Variants in ZNF717 observed in about 807,000 individuals in gnomAD.
ZNF717 encodes krueppel-like factor X17.
Under a neutral mutation model 13.8 loss-of-function variants are expected in ZNF717, and 9 were observed. The observed-to-expected ratio is 0.65, with a 90% CI of 0.39 to 1.14. The LOEUF is 1.14. Among genes scored for constraint, ZNF717 ranks in the 50% most tolerant of loss-of-function variants. ZNF717 has a pLI of 0.01. For synonymous variants in ZNF717, 327 were observed against 364.1 expected, an observed-to-expected ratio of 0.90 and a Z score of 1.16; for missense variants, 1,040 against 1,080.7, an observed-to-expected ratio of 0.96 and a Z score of 0.53.
chr3:75,770,733 C>T (rs1335955336), intron 2 of ZNF717, among the ~76,000 whole-genome samples: 1 of 152,158 alleles, frequency 6.6e-6, no homozygotes, highest in Non-Finnish European at 1.5e-5. Flanking sequence ...GTGGCTTTCA[C>T]TTTGAATTTT....
chr3:75,720,416 A>G (rs146409341), intron 4 of ZNF717, among the ~76,000 whole-genome samples: 2 of 152,162 alleles, frequency 1.3e-5, no homozygotes, highest in Non-Finnish European at 1.5e-5. Context: ...GTTCTCACTT[A>G]TAAGTGGGAA....
At chr3:75,751,550 G>C (rs1385623225) in intron 2 of ZNF717, among the ~76,000 whole-genome samples, 1 of 131,628 alleles carries the variant, frequency 7.6e-6, no homozygotes, top group Non-Finnish European at 1.7e-5. Flanking sequence ...TGGGTTCTGA[G>C]TATTTGTCCC....
At chr3:75,707,766 C>G (rs1278091887), downstream of ZNF717, among the ~76,000 whole-genome samples, 1 of 151,726 alleles carries the variant, frequency 6.6e-6, no homozygotes, top group East Asian at 2.0e-4. Flanking sequence ...CTGCGCTTTT[C>G]CAATGGGCTT....
chr3:75,700,663 A>G (rs1358600199), intron 6 of ZNF717, among the ~76,000 whole-genome samples: 3 of 152,282 alleles, frequency 2.0e-5, no homozygotes, highest in Non-Finnish European at 4.4e-5. Context: ...CTTTCAACAA[A>G]AGTGCCAAGA....
chr3:75,720,476 G>A (rs2918476), intron 4 of ZNF717, among the ~76,000 whole-genome samples: 64,369 of 151,212 alleles, frequency 0.43, 14,141 homozygotes, highest in South Asian at 0.61. Flanking sequence ...TAGACACTAG[G>A]GACTTCAAGG....
At chr3:75,762,924 C>T (rs113114519) in intron 2 of ZNF717, among the ~76,000 whole-genome samples, 1 of 151,924 alleles carries the variant, frequency 6.6e-6, no homozygotes, top group African/African-American at 2.4e-5. Flanking sequence ...CACAAGGATG[C>T]CAAGACCACT....
At chr3:75,708,434 C>T (rs1232877401), downstream of ZNF717, among the ~76,000 whole-genome samples, 3 of 152,090 alleles carry the variant, frequency 2.0e-5, no homozygotes, top group Non-Finnish European at 4.4e-5. Flanking sequence ...AACTAACAAA[C>T]AGAAAGGACA....
chr3:75,745,799 CTTTT>C (rs75682145), intron 2 of ZNF717, among the ~76,000 whole-genome samples: 5 of 144,432 alleles, frequency 3.5e-5, no homozygotes, highest in African/African-American at 1.3e-4. Context: ...ACAGGGTTTT[CTTTT>C]TTTTTTACTG....
intron 6 of ZNF717, among the ~76,000 whole-genome samples, chr3:75,695,243 G>A (rs1180494528): frequency 8.5e-5 from 13 of 152,378 alleles, no homozygotes; most frequent in South Asian, 2.1e-4. Context: ...GATTAAAAAG[G>A]TCATTATATA....
chr3:75,733,778 CAAAA>C (rs56196464), downstream of ZNF717, among the ~76,000 whole-genome samples: 20 of 26,648 alleles, frequency 7.5e-4, no homozygotes, highest in Non-Finnish European at 1.1e-3. Context: ...GACTCTATCT[CAAAA>C]AAAAAAAAAA....
chr3:75,739,616 G>A (rs550747290), intron 4 of ZNF717, among the ~76,000 whole-genome samples: 274 of 152,146 alleles, frequency 1.8e-3, no homozygotes, highest in African/African-American at 5.9e-3. Context: ...GTAATAATAT[G>A]CATCTACTTC....
chr3:75,783,097 C>T (rs1254510127), intron 2 of ZNF717, among the ~76,000 whole-genome samples: 4 of 152,214 alleles, frequency 2.6e-5, no homozygotes, highest in Admixed American at 1.3e-4. Flanking sequence ...GTCACTGCAT[C>T]AGAAAGATCA....
At chr3:75,756,026 A>G (rs796263853) in intron 2 of ZNF717, among the ~76,000 whole-genome samples, 1 of 146,674 alleles carries the variant, frequency 6.8e-6, no homozygotes, top group Admixed American at 6.8e-5. Flanking sequence ...TACATATTGA[A>G]GGTTTGTGGC....
At chr3:75,740,788 G>A in intron 4 of ZNF717, among the ~76,000 whole-genome samples, 1 of 152,188 alleles carries the variant, frequency 6.6e-6, no homozygotes, top group African/African-American at 2.4e-5. Context: ...CTATAATCAT[G>A]CCACTGCACT....
rs1229624681 is a variant in ZNF717 at position 75,783,498 on chromosome 3, G to A, written c.-2-134C>T. On this transcript the variant is annotated intron_variant, in intron 1 of 4. Coordinates refer to ENST00000652011, the MANE Select transcript of ZNF717 (RefSeq NM_001290208.3). ...TCCTGAAAAAGAAAAACTTCCCCAT[G>A]GGAGAAGAGTCCTTCAAGCCTCATT... is the stretch of plus-strand genomic sequence containing the variant. 6 of 634,038 alleles carry A rather than the reference G, an allele frequency of 9.5e-6. No homozygotes were observed. In the East Asian group the frequency reaches 1.4e-4, roughly 15 times the overall value. The allele number at this position is 634,038 out of a possible 1,614,324, so 39.3% of individuals were successfully genotyped here.
chr3:75,741,824 C>A (rs1940504001), intron 2 of ZNF717, 88 bp from the exon 3 acceptor site: 1 of 1,506,164 alleles, frequency 6.6e-7, no homozygotes, highest in Non-Finnish European at 8.9e-7. Flanking sequence ...GCCACTCCTC[C>A]CAGGTGAAGT....
At chr3:75,764,759 T>C (rs372509905) in intron 2 of ZNF717, among the ~76,000 whole-genome samples, 117 of 152,032 alleles carry the variant, frequency 7.7e-4, no homozygotes, top group Non-Finnish European at 1.2e-3. Flanking sequence ...AAGTAACAAG[T>C]GCAGGTGAAA....
chr3:75,720,306 T>TA (rs1351358995), intron 4 of ZNF717, among the ~76,000 whole-genome samples: 1 of 152,042 alleles, frequency 6.6e-6, no homozygotes, highest in African/African-American at 2.4e-5. Context: ...TATGCAGCCA[T>TA]AAAAAAGAAT....
At chr3:75,723,926 T>A (rs1440439866) in intron 4 of ZNF717, among the ~76,000 whole-genome samples, 1 of 152,232 alleles carries the variant, frequency 6.6e-6, no homozygotes, top group Non-Finnish European at 1.5e-5. Flanking sequence ...CTCCCTGTGA[T>A]GCTGTGCTTC....
Sources: gnomAD v4.1 joint callset for allele counts (sites outside exome capture counted in the v4.1 genomes callset) on GRCh38, gnomAD v4.1.1 for gene constraint, MANE v1.5 for transcripts, NCBI Gene and HGNC (gene_info 2026-07-23, HGNC 2026-07-21) for gene names.